The following LRCH2 variants were observed in gnomAD, a reference collection of about 807,000 sequenced individuals.
LRCH2 encodes the protein leucine-rich repeat and calponin homology domain-containing protein 2.
A neutral mutation model predicts 68.9 loss-of-function variants in LRCH2; 38 were observed. The ratio of observed to expected loss-of-function variants is 0.55; its 90% CI spans 0.43 to 0.72. The LOEUF (loss-of-function observed/expected upper bound fraction) is 0.72, where lower values mean the gene tolerates loss of function less well. LRCH2 is among the 30% of genes least tolerant of loss of function. LRCH2 has a pLI of 0.00. For synonymous variants in LRCH2, 191 were observed against 208.1 expected, an observed-to-expected ratio of 0.92 and a Z score of 0.71; for missense variants, 528 against 572.9, an observed-to-expected ratio of 0.92 and a Z score of 0.80.
chrX:115,126,171 T>C (rs923762946), intron 16 of LRCH2: 10 of 111,884 alleles, frequency 8.9e-5, no homozygotes, highest in African/African-American at 3.2e-4. Flanking sequence ...GTAGAAGAGA[T>C]AGAGTTTAGA....
Position 115,134,835 on chromosome X carries a change from T to C in LRCH2, c.1696-4636A>G, listed in dbSNP as rs782466324. On this transcript the variant is annotated intron_variant, in intron 14 of 20. Coordinates refer to ENST00000317135, the MANE Select transcript of LRCH2 (RefSeq NM_020871.4). The stretch of plus-strand genomic sequence containing the variant: ...TTTCAAGTCTTACTAAGTAATAACA[T>C]ATCATAAAGCTATTGGGGCCATAGA... Among the ~76,000 whole-genome samples, 3 of 110,515 alleles carry C rather than the reference T, an allele frequency of 2.7e-5. No individual in the cohort carries two copies. In the South Asian group the frequency reaches 1.2e-3, roughly 43 times the overall value.
intron 5 of LRCH2, among the ~76,000 whole-genome samples, chrX:115,177,497 C>G (rs2072659656): frequency 9.0e-6 from 1 of 111,693 alleles, no homozygotes; most frequent in African/African-American, 3.3e-5. Flanking sequence ...TCTCAACATT[C>G]AGTATGCAAC....
intron 1 of LRCH2, among the ~76,000 whole-genome samples, chrX:115,225,128 G>A (rs1556575826): frequency 8.9e-6 from 1 of 111,942 alleles, no homozygotes; most frequent in East Asian, 2.8e-4. Context: ...TCATTTCTTT[G>A]TGTCCAGTTT....
At chrX:115,218,853 C>T (rs1280673628) in intron 1 of LRCH2, among the ~76,000 whole-genome samples, 1 of 112,173 alleles carries the variant, frequency 8.9e-6, no homozygotes, top group Non-Finnish European at 1.9e-5. Context: ...TCAGCTTTTG[C>T]TGCTTCATTC....
chrX:115,151,047 C>G (rs1260741018), intron 12 of LRCH2, among the ~76,000 whole-genome samples: 1 of 111,519 alleles, frequency 9.0e-6, no homozygotes, highest in Non-Finnish European at 1.9e-5. Context: ...GGTATAACTT[C>G]TCTTTCAACT....
At chrX:115,126,916 T>C in intron 15 of LRCH2, 23 bp from the exon 16 acceptor site, 10 of 929,571 alleles carry the variant, frequency 1.1e-5, no homozygotes, top group Non-Finnish European at 1.4e-5. Context: ...AATAAAAAGA[T>C]GGAAGATGAA....
At chrX:115,174,463 G>GA (rs2072629984) in intron 5 of LRCH2, among the ~76,000 whole-genome samples, 1 of 108,136 alleles carries the variant, frequency 9.2e-6, no homozygotes, top group Non-Finnish European at 1.9e-5. Flanking sequence ...AGATCACACA[G>GA]CATTTATCTT....
chrX:115,189,735 C>A, intron 1 of LRCH2: 1 of 1,166,776 alleles, frequency 8.6e-7, no homozygotes, highest in South Asian at 1.9e-5. Context: ...TCCCGCCAAC[C>A]CCCGGCAGCG....
rs782142615 is a variant in LRCH2, at chrX:115,191,782, G to A, written c.350-3412C>T. On this transcript the variant is annotated intron_variant, in intron 1 of 20. Transcript: ENST00000317135. ...CTACGGAGGAGGAGGCCGCTACGAGGAGTACCGAGGCCGCTCGCTCGATGC... is the reference window on the plus strand; with the variant it reads ...CTACGGAGGAGGAGGCCGCTACGAGAAGTACCGAGGCCGCTCGCTCGATGC... 13 of 1,162,628 alleles carry A rather than the reference G, an allele frequency of 1.1e-5. No homozygotes were observed. In the African/African-American group the frequency reaches 2.2e-4, roughly 19 times the overall value.
chrX:115,202,606 T>C (rs2072938064), intron 1 of LRCH2, among the ~76,000 whole-genome samples: 2 of 112,241 alleles, frequency 1.8e-5, no homozygotes, highest in Admixed American at 9.5e-5. Context: ...AATTCAGCAA[T>C]TGCAAGCCTG....
At chrX:115,226,132 AAGG>A (rs1385241346) in intron 1 of LRCH2, among the ~76,000 whole-genome samples, 5 of 111,365 alleles carry the variant, frequency 4.5e-5, no homozygotes, top group Non-Finnish European at 7.5e-5. Context: ...CCAAGAGAAA[AAGG>A]AGGAGGGGGG....
rs1228748698 is a variant in LRCH2 at position 115,158,469 on chromosome X, G to A, written c.1464-1802C>T. 2.7e-5 allele frequency among the ~76,000 whole-genome samples: 3 copies of A among 111,382 alleles called. No individual in the cohort carries two copies. In the East Asian group the frequency reaches 8.4e-4, roughly 31 times the overall value. On this transcript the variant is annotated intron_variant, in intron 11 of 20. Coordinates refer to ENST00000317135, the MANE Select transcript of LRCH2 (RefSeq NM_020871.4). The stretch of plus-strand genomic sequence containing the variant: ...CAAATTGAAATGTTCACATGATCAG[G>A]GAAAAATCATAATAAAACAGGTAAT...
At chrX:115,217,397 G>A (rs1232747319) in intron 1 of LRCH2, among the ~76,000 whole-genome samples, 2 of 110,014 alleles carry the variant, frequency 1.8e-5, no homozygotes, top group Non-Finnish European at 3.8e-5. Flanking sequence ...CCCCACAACA[G>A]GCCCCAGTGT....
chrX:115,204,229 T>C (rs1180200320), intron 1 of LRCH2, among the ~76,000 whole-genome samples: 4 of 113,161 alleles, frequency 3.5e-5, no homozygotes, highest in African/African-American at 1.3e-4. Flanking sequence ...CACAGAGCAG[T>C]AGGGCCCTGG....
Position 115,130,171 on chromosome X carries a change from C to T in LRCH2, c.1724G>A (p.Gly575Asp). Residue 575 changes from glycine (G) to aspartate (D), a missense_variant, in exon 15 of 21, where the codon GGC (glycine) becomes GAC (aspartate). Coordinates refer to ENST00000317135, the MANE Select transcript of LRCH2 (RefSeq NM_020871.4). ...KYKSMRKSSS[G>D]NENDEQDSDN... ...TTTTCTCACCTCATCATTTTCATTG[C>T]CACTTGAACTCTTCCTCATTGATTT... The T allele has an allele frequency of 2.9e-6, 3 of 1,031,045 alleles. No homozygotes were observed. Among genetic ancestry groups the T allele is most frequent in the Non-Finnish European group, 4.0e-6 (3 of 755,861 alleles). 85.0% of individuals were successfully genotyped at this position (1,031,045 alleles called of 1,213,427 possible). A position where few individuals can be genotyped will look rare whatever the true frequency, so the allele number is the denominator to read the frequency against.
chrX:115,194,605 T>C (rs2072873871), intron 1 of LRCH2, among the ~76,000 whole-genome samples: 1 of 111,910 alleles, frequency 8.9e-6, no homozygotes, highest in African/African-American at 3.2e-5. Context: ...GATTAGACGA[T>C]AGTAACTTGT....
intron 14 of LRCH2, among the ~76,000 whole-genome samples, chrX:115,138,045 A>G (rs1241363690): frequency 9.0e-6 from 1 of 111,445 alleles, no homozygotes; most frequent in East Asian, 2.8e-4. Flanking sequence ...GTCAGGGCTC[A>G]GAAAATACTA....
chrX:115,190,424 G>T, intron 1 of LRCH2: 2 of 1,165,337 alleles, frequency 1.7e-6, no homozygotes, highest in Non-Finnish European at 2.3e-6. Flanking sequence ...GGAGGATGCC[G>T]CTACGAGGAG....
Position 115,230,546 on chromosome X carries a change from G to A in LRCH2, c.349+3147C>T, listed in dbSNP as rs1473057930. On this transcript the variant is annotated intron_variant, in intron 1 of 20. Coordinates refer to ENST00000317135, the MANE Select transcript of LRCH2 (RefSeq NM_020871.4). ...AGAACAGACACTAGAAATGCAGAGAGAGGTAAAAAGACACCAAAGATAAAC... is the reference window on the plus strand; with the variant it reads ...AGAACAGACACTAGAAATGCAGAGAAAGGTAAAAAGACACCAAAGATAAAC... Among the ~76,000 whole-genome samples the A allele has an allele frequency of 2.7e-5, 3 of 111,267 alleles. 1 individual carries two copies. The South Asian group carries it at 1.1e-3, about 42-fold the overall frequency.
Sources: gnomAD v4.1 joint callset for allele counts (sites outside exome capture counted in the v4.1 genomes callset) on GRCh38, gnomAD v4.1.1 for gene constraint, MANE v1.5 for transcripts, NCBI Gene and HGNC (gene_info 2026-07-23, HGNC 2026-07-21) for gene names.